MRTFA: variants seen among roughly 807,000 people sequenced by gnomAD.
MRTFA encodes myocardin-related transcription factor A.
In MRTFA, 20 loss-of-function variants were observed where a neutral mutation model predicts 83.5. The observed-to-expected ratio is 0.24, with a 90% CI of 0.17 to 0.35. The LOEUF (loss-of-function observed/expected upper bound fraction) is 0.35. Among genes scored for constraint, MRTFA ranks in the 10% least tolerant of loss-of-function variants. The pLI is 1.00. For missense variants in MRTFA, 1,200 were observed against 1,224.7 expected (o/e 0.98, Z 0.30); for synonymous variants, 659 against 541.2 (o/e 1.22, Z -3.02).
At chr22:40,592,856 T>C (rs2056141294) in intron 2 of MRTFA, among the ~76,000 whole-genome samples, 1 of 152,148 alleles carries the variant, frequency 6.6e-6, no homozygotes, top group Non-Finnish European at 1.5e-5. Context: ...AACAGCCAAA[T>C]GGGGAATTTT....
At chr22:40,632,740 T>C (rs2056655174) in intron 1 of MRTFA, among the ~76,000 whole-genome samples, 1 of 152,202 alleles carries the variant, frequency 6.6e-6, no homozygotes, top group Admixed American at 6.5e-5. Flanking sequence ...CCAGCCATTA[T>C]TGCAATTTTT....
intron 1 of MRTFA, among the ~76,000 whole-genome samples, chr22:40,634,650 G>C (rs1165826936): frequency 6.6e-6 from 1 of 152,146 alleles, no homozygotes; most frequent in Non-Finnish European, 1.5e-5. Context: ...GACAGCCCCA[G>C]CCCTTAGAAA....
intron 1 of MRTFA, among the ~76,000 whole-genome samples, chr22:40,614,255 T>A (rs1055391640): frequency 1.3e-4 from 19 of 150,416 alleles, no homozygotes; most frequent in Non-Finnish European, 1.8e-4. Flanking sequence ...AATAAAAAAA[T>A]TTTATGTTAG....
At chr22:40,424,056 T>C in intron 8 of MRTFA, 150 bp downstream of exon 8, 1 of 889,972 alleles carries the variant, frequency 1.1e-6, no homozygotes, top group Non-Finnish European at 1.6e-6. Context: ...ACCGGGGAGC[T>C]CAAGCAGCCA....
At chr22:40,452,648 A>G (rs982377163) in intron 4 of MRTFA, among the ~76,000 whole-genome samples, 2 of 151,878 alleles carry the variant, frequency 1.3e-5, no homozygotes, top group African/African-American at 4.8e-5. Flanking sequence ...CGTCTCTACT[A>G]AAAATACAAA....
chr22:40,594,870 A>G (rs1224867445), intron 1 of MRTFA, 135 bp from the exon 2 acceptor site: 1 of 150,322 alleles, frequency 6.7e-6, no homozygotes, highest in Non-Finnish European at 1.5e-5. Flanking sequence ...AACAGTGTTA[A>G]GAGTTCTGTC....
intron 2 of MRTFA, among the ~76,000 whole-genome samples, chr22:40,588,193 T>C (rs1569341520): frequency 6.6e-6 from 1 of 152,024 alleles, no homozygotes. Flanking sequence ...CACGCCCAGA[T>C]AATTTTTGTA....
intron 4 of MRTFA, among the ~76,000 whole-genome samples, chr22:40,453,390 C>A (rs191751329): frequency 6.6e-6 from 1 of 152,166 alleles, no homozygotes; most frequent in Non-Finnish European, 1.5e-5. Flanking sequence ...AGTCCGAGGG[C>A]ACTGACCGGA....
At chr22:40,413,342 AT>A (rs113118987) in intron 14 of MRTFA, among the ~76,000 whole-genome samples, 8,653 of 136,692 alleles carry the variant, frequency 0.063, 304 homozygotes, top group African/African-American at 0.098. Context: ...TTTTACCACA[AT>A]TTTTTTTTTT....
intron 4 of MRTFA, among the ~76,000 whole-genome samples, chr22:40,438,787 G>A (rs552225296): frequency 6.6e-6 from 1 of 151,998 alleles, no homozygotes; most frequent in Non-Finnish European, 1.5e-5. Context: ...AAAAAACACA[G>A]TACGTATAGG....
Position 40,497,179 on chromosome 22 carries a change from C to A in MRTFA, c.242-33893G>T, listed in dbSNP as rs140222772. Among the ~76,000 whole-genome samples, 31 of 152,194 alleles carry A rather than the reference C, an allele frequency of 2.0e-4. No homozygotes were observed. The Middle Eastern group carries it at 0.014, about 67-fold the overall frequency. ...TCTGATGAGGACAAAGAAGAGGGGACCTTGCTGGGGCTGGAGAGTTAGAGA... is the reference window on the plus strand; with the variant it reads ...TCTGATGAGGACAAAGAAGAGGGGAACTTGCTGGGGCTGGAGAGTTAGAGA... On this transcript the variant is annotated intron_variant, in intron 3 of 14. Coordinates refer to ENST00000355630, the MANE Select transcript of MRTFA (RefSeq NM_020831.6).
chr22:40,417,482 C>T lies in MRTFA; in HGVS notation c.2376G>A (p.Gln792=), dbSNP rs1324243420. 1.3e-6 allele frequency: 2 copies of T among 1,575,290 alleles called. No individual in the cohort carries two copies. Among genetic ancestry groups the T allele is most frequent in the African/African-American group, 2.8e-5 (2 of 72,252 alleles). ...AGGGGGCAGGCGCTGGAGAGCCAGGCTGGGACGAGGGCTGGACAGGAGAGC... is the reference window on the plus strand; with the variant it reads ...AGGGGGCAGGCGCTGGAGAGCCAGGTTGGGACGAGGGCTGGACAGGAGAGC... Residue 792 remains glutamine, a synonymous_variant, in exon 13 of 15, where the codon CAG becomes CAA. Coordinates refer to ENST00000355630, the MANE Select transcript of MRTFA (RefSeq NM_020831.6).
chr22:40,616,019 A>C (rs979806410), intron 1 of MRTFA, among the ~76,000 whole-genome samples: 1 of 152,142 alleles, frequency 6.6e-6, no homozygotes, highest in Non-Finnish European at 1.5e-5. Context: ...TAAGTTTATT[A>C]TTTCATTATT....
At chr22:40,539,903 ATCTT>A (rs1569319302) in intron 3 of MRTFA, among the ~76,000 whole-genome samples, 1 of 142,002 alleles carries the variant, frequency 7.0e-6, no homozygotes, top group African/African-American at 2.6e-5. Context: ...TTTCACGGTT[ATCTT>A]TTTTTTTTTT....
Position 40,463,270 on chromosome 22 carries a change from G to A in MRTFA, c.258C>T (p.Leu86=). 1.2e-6 allele frequency: 2 copies of A among 1,614,094 alleles called. No homozygotes were observed. The highest frequency in any genetic ancestry group is 1.6e-4 in the Middle Eastern group (1 of 6,062). Reference sequence around the variant, plus strand: ...GTTCTTCCCGGGTCCGGCGCTGCTGGAGTTTCAACTGTAGCACTGCAGGGC... The same window carrying A: ...GTTCTTCCCGGGTCCGGCGCTGCTGAAGTTTCAACTGTAGCACTGCAGGGC... Residue 86 remains leucine (L), a synonymous_variant, in exon 4 of 15, where the codon CTC becomes CTT. Coordinates refer to ENST00000355630, the MANE Select transcript of MRTFA (RefSeq NM_020831.6).
In MRTFA at chr22:40,462,765, T is replaced by A. The variant is rs2147152613; in HGVS notation, c.307+456A>T. On this transcript the variant is annotated intron_variant, in intron 4 of 14. Coordinates refer to ENST00000355630, the MANE Select transcript of MRTFA (RefSeq NM_020831.6). ...GCCAGCCTTAGAGTATCTCAGGATCTCACTCTACATAAAACTGTGGTTGAT... is the reference window on the plus strand; with the variant it reads ...GCCAGCCTTAGAGTATCTCAGGATCACACTCTACATAAAACTGTGGTTGAT... 1.3e-5 allele frequency among the ~76,000 whole-genome samples: 2 copies of A among 152,276 alleles called. 1 individual carries two copies. The highest frequency in any genetic ancestry group is 2.9e-5 in the Non-Finnish European group (2 of 68,030).
At chr22:40,457,485 A>AGAAG (rs755297714) in intron 4 of MRTFA, among the ~76,000 whole-genome samples, 63 of 133,342 alleles carry the variant, frequency 4.7e-4, no homozygotes, top group African/African-American at 1.4e-3. Context: ...AAAGAAAGAA[A>AGAAG]GAAGGAAAGA....
At chr22:40,563,450 G>A (rs568039766) in intron 2 of MRTFA, among the ~76,000 whole-genome samples, 10 of 146,848 alleles carry the variant, frequency 6.8e-5, no homozygotes, top group Non-Finnish European at 1.0e-4. Context: ...AATTTACTAC[G>A]TATATTAACC....
intron 2 of MRTFA, among the ~76,000 whole-genome samples, chr22:40,584,590 G>A (rs927356755): frequency 6.6e-6 from 1 of 152,026 alleles, no homozygotes; most frequent in Non-Finnish European, 1.5e-5. Flanking sequence ...TGCAAAATTA[G>A]CCGGGTGTGG....
Sources: gnomAD v4.1 joint callset for allele counts (sites outside exome capture counted in the v4.1 genomes callset) on GRCh38, gnomAD v4.1.1 for gene constraint, MANE v1.5 for transcripts, NCBI Gene and HGNC (gene_info 2026-07-23, HGNC 2026-07-21) for gene names.